The following MEF2B variants were observed in gnomAD, a reference collection of about 807,000 sequenced individuals.
MEF2B encodes myocyte-specific enhancer factor 2B.
MEF2B carries 15 observed loss-of-function variants against 32.2 expected under a neutral mutation model. The ratio of observed to expected loss-of-function variants is 0.47; its 90% confidence interval spans 0.31 to 0.72. The LOEUF is 0.72. Ranked by LOEUF, MEF2B falls within the 30% of genes least tolerant of loss-of-function variation. The pLI, the probability that MEF2B is intolerant of heterozygous loss-of-function variation, is 0.05. For missense variants in MEF2B, 441 were observed against 511.5 expected (o/e 0.86, Z 1.33); for synonymous variants, 205 against 225.6 (o/e 0.91, Z 0.82).
intron 2 of MEF2B, 128 bp downstream of exon 2, chr19:19,150,554 C>T: frequency 1.1e-6 from 1 of 891,956 alleles, no homozygotes; most frequent in African/African-American, 1.7e-5. Context: ...GAAAGGCTGA[C>T]ATGGCATCAG....
Position 19,146,663 on chromosome 19 carries a change from G to A in MEF2B, c.676-15C>T, listed in dbSNP as rs1370410321. 2.5e-6 allele frequency: 4 copies of A among 1,613,448 alleles called. No homozygotes were observed. In the South Asian group the frequency reaches 3.3e-5, roughly 13 times the overall value. ...TAGAGGCTTCTCTGTGCGGAGAGAG[G>A]GTGAAGGGGAAACTGAGGCCCACAC... is the stretch of plus-strand genomic sequence containing the variant. On this transcript the variant is annotated splice_polypyrimidine_tract_variant and intron_variant, in intron 6 of 8. Transcript: ENST00000424583.
intron 3 of MEF2B, among the ~76,000 whole-genome samples, chr19:19,148,240 G>A (rs151204428): frequency 0.01 from 1,561 of 152,348 alleles, 25 homozygotes; most frequent in African/African-American, 0.036. Context: ...GAGGCAGGCA[G>A]ATCGCTTGAG....
intron 2 of MEF2B, among the ~76,000 whole-genome samples, 189 bp downstream of exon 2, chr19:19,150,493 C>T (rs1288006546): frequency 6.9e-6 from 1 of 145,604 alleles, no homozygotes; most frequent in Non-Finnish European, 1.5e-5. Context: ...CATTGCACTC[C>T]AGGCTGGGCA....
Position 19,146,360 on chromosome 19 carries a change from G to A in MEF2B, c.794C>T (p.Pro265Leu). 1 of 1,096,678 alleles carries A rather than the reference G, an allele frequency of 9.1e-7. No individual in the cohort carries two copies. The highest frequency in any genetic ancestry group is 1.2e-6 in the Non-Finnish European group (1 of 812,604). 67.9% of individuals were successfully genotyped at this position (1,096,678 alleles called of 1,614,324 possible). A position where few individuals can be genotyped will look rare whatever the true frequency, so the allele number is the denominator to read the frequency against. ...PPEYGLGDPP[P>L]PPGLLQPPTL... ...GGGGGGCTGCAACAAGCCAGGGGGC[G>A]GTGGAGGGTCTCCCAGGCCATATTC... The change falls in exon 8 of 9, where the codon CCG becomes CTG. Residue 265 changes from proline (P) to leucine (L), a missense_variant. Coordinates refer to ENST00000424583, the MANE Select transcript of MEF2B (RefSeq NM_001145785.2).
At chr19:19,170,116 A>T (rs554214851) in intron 1 of MEF2B, 89 bp downstream of exon 1, 1 of 397,702 alleles carries the variant, frequency 2.5e-6, no homozygotes, top group African/African-American at 2.1e-5. Context: ...TGGGACGCCC[A>T]GCAGTACACC....
intron 2 of MEF2B, 117 bp downstream of exon 2, chr19:19,150,565 G>A (rs941676942): frequency 2.4e-6 from 3 of 1,266,312 alleles, no homozygotes; most frequent in Non-Finnish European, 3.3e-6. Context: ...ATGGCATCAG[G>A]ACTCCTCATG....
At position 19,147,719 on chromosome 19, in the gene MEF2B, G is replaced by T; in HGVS notation, c.372C>A (p.Ala124=). The T allele has an allele frequency of 6.2e-7, 1 of 1,613,802 alleles. No individual in the cohort carries two copies. Among genetic ancestry groups the T allele is most frequent in the Non-Finnish European group, 8.5e-7 (1 of 1,179,850 alleles). ...RRLAGEGGDP[A]LPRPRLYPAA... ...TTACATACAGCCGGGGTCGGGGCAA[G>T]GCCGGATCACCCCCTTCGCCTGCCA... Residue 124 remains alanine, a synonymous_variant, in exon 4 of 9, where the codon GCC becomes GCA. Transcript: ENST00000424583.
intron 1 of MEF2B, among the ~76,000 whole-genome samples, chr19:19,153,047 C>T (rs1302780101): frequency 6.6e-6 from 1 of 152,224 alleles, no homozygotes; most frequent in Admixed American, 6.5e-5. Flanking sequence ...CTGATGGGTC[C>T]CTGGGGGGTG....
chr19:19,145,996 C>A lies in MEF2B; in HGVS notation c.908G>T (p.Gly303Val). ...CGGGGAGGCGCCGCGGGTTGGGGGA[C>A]CCTCCTCGCCCAGGCTTCGGCCCCC... ...PSGGRSLGEEGPPTRGASPPT... is the reference protein window; with the variant it reads ...PSGGRSLGEEVPPTRGASPPT... Residue 303 changes from glycine to valine, a missense_variant, in exon 9 of 9, where the codon GGT (glycine) becomes GTT (valine). Physicochemically the swap from Gly to Val is moderately radical, Grantham distance 109. Around this residue, in one of 2 missense-constraint regions of MEF2B, gnomAD observed 326 missense variants for 328.4 expected, o/e 0.99. Coordinates refer to ENST00000424583, the MANE Select transcript of MEF2B (RefSeq NM_001145785.2). This position sits in a 1 kb window ranked among gnomAD's most constrained non-coding sequence, Gnocchi z 4.6. 2.8e-6 allele frequency: 4 copies of A among 1,431,748 alleles called. No homozygotes were observed. The highest frequency in any genetic ancestry group is 3.7e-6 in the Non-Finnish European group (4 of 1,093,918). 88.7% of individuals were successfully genotyped at this position (1,431,748 alleles called of 1,614,324 possible).
chr19:19,162,445 A>C (rs1487953193), intron 1 of MEF2B, among the ~76,000 whole-genome samples: 1 of 152,056 alleles, frequency 6.6e-6, no homozygotes, highest in Non-Finnish European at 1.5e-5. Flanking sequence ...CTGCCTTCCC[A>C]AGGCCGGGTG....
chr19:19,158,484 AC>A (rs779489062), intron 1 of MEF2B, among the ~76,000 whole-genome samples: 4 of 143,820 alleles, frequency 2.8e-5, no homozygotes, highest in Non-Finnish European at 6.0e-5. Context: ...CAGGCCAGGC[AC>A]GGTGGCTCAC....
At chr19:19,154,114 T>C (rs1243730980) in intron 1 of MEF2B, among the ~76,000 whole-genome samples, 2 of 151,992 alleles carry the variant, frequency 1.3e-5, no homozygotes, top group African/African-American at 2.4e-5. Context: ...GATGTGGAGC[T>C]ATGAGAGCAT....
Position 19,167,370 on chromosome 19 carries a change from A to G in MEF2B, c.-30+2835T>C, listed in dbSNP as rs1432480915. Among the ~76,000 whole-genome samples the G allele has an allele frequency of 2.3e-5, 3 of 127,730 alleles. No homozygotes were observed. The Admixed American group carries it at 2.5e-4, about 11-fold the overall frequency. 83.8% of individuals were successfully genotyped at this position (127,730 alleles called of 152,430 possible). Reference sequence around the variant, plus strand: ...TGTCTCAAAAAAAAAAAAAAAAAAAAAATTAGCTGGGTGTGCTGGTGTGAG... The same window carrying G: ...TGTCTCAAAAAAAAAAAAAAAAAAAGAATTAGCTGGGTGTGCTGGTGTGAG... On this transcript the variant is annotated intron_variant, in intron 1 of 8. Transcript: ENST00000424583.
chr19:19,152,399 G>A (rs1232535486), intron 1 of MEF2B, among the ~76,000 whole-genome samples: 25 of 142,160 alleles, frequency 1.8e-4, no homozygotes, highest in South Asian at 4.5e-4. Flanking sequence ...AAAAGAAAAA[G>A]AAAAAGAAAA....
intron 2 of MEF2B, among the ~76,000 whole-genome samples, chr19:19,150,199 G>A (rs1162641480): frequency 1.4e-5 from 2 of 146,610 alleles, no homozygotes; most frequent in African/African-American, 2.5e-5. Flanking sequence ...AAGGAAGGAA[G>A]GAAGGAAGGA....
At chr19:19,156,694 C>T (rs1490366343) in intron 1 of MEF2B, among the ~76,000 whole-genome samples, 1 of 152,094 alleles carries the variant, frequency 6.6e-6, no homozygotes, top group African/African-American at 2.4e-5. Context: ...CTCTGTCGCC[C>T]AGGCTGGAGT....
intron 7 of MEF2B, 60 bp from the exon 8 acceptor site, chr19:19,146,444 A>G (rs1162080038): frequency 1.6e-6 from 2 of 1,261,904 alleles, no homozygotes; most frequent in African/African-American, 3.0e-5. Flanking sequence ...CTGCAAACCT[A>G]ACCACCCCCA....
intron 1 of MEF2B, 36 bp from the exon 2 acceptor site, chr19:19,150,800 G>A (rs981745349): frequency 1.9e-6 from 3 of 1,612,342 alleles, no homozygotes; most frequent in Non-Finnish European, 1.7e-6. Flanking sequence ...GAGTGAGTGG[G>A]TGGAGAGTGG....
intron 1 of MEF2B, among the ~76,000 whole-genome samples, chr19:19,156,362 C>T (rs1313155393): frequency 6.6e-6 from 1 of 151,338 alleles, no homozygotes; most frequent in African/African-American, 2.4e-5. Flanking sequence ...GGTTCAAGAC[C>T]AACCTAGGCA....
Sources: gnomAD v4.1 joint callset for allele counts (sites outside exome capture counted in the v4.1 genomes callset) on GRCh38, gnomAD v4.1.1 for gene constraint, gnomAD v4.1.1 regional missense constraint, Gnocchi (gnomAD v3.1) non-coding constraint, MANE v1.5 for transcripts, NCBI Gene and HGNC (gene_info 2026-07-23, HGNC 2026-07-21) for gene names.